The following CXCL13 variants were observed in gnomAD, a reference collection of about 807,000 sequenced individuals.
CXCL13 encodes the protein C-X-C motif chemokine ligand 13.
CXCL13 carries 7 observed loss-of-function variants against 12.2 expected under a neutral mutation model. The observed-to-expected ratio is 0.57, with a 90% CI of 0.33 to 1.07. The LOEUF is 1.07. CXCL13 is among the 50% of genes least tolerant of loss of function. CXCL13 has a pLI of 0.04. For missense variants in CXCL13, 113 were observed against 127.4 expected, an observed-to-expected ratio of 0.89 and a Z score of 0.55; for synonymous variants, 47 against 42.4, an observed-to-expected ratio of 1.11 and a Z score of -0.42.
chr4:77,537,608 T>C (rs1181710507), intron 1 of CXCL13, among the ~76,000 whole-genome samples: 1 of 152,216 alleles, frequency 6.6e-6, no homozygotes, highest in Non-Finnish European at 1.5e-5. Flanking sequence ...AGTATTTAGC[T>C]AAGTTCTAAA....
intron 2 of CXCL13, 28 bp downstream of exon 2, chr4:77,607,863 A>G (rs377181412): frequency 1.1e-5 from 18 of 1,607,896 alleles, no homozygotes; most frequent in Non-Finnish European, 1.5e-5. Flanking sequence ...AATAAATAAG[A>G]TTTCCTTCTC....
At chr4:77,599,781 G>T (rs76383596) in intron 1 of CXCL13, among the ~76,000 whole-genome samples, 2,130 of 152,302 alleles carry the variant, frequency 0.014, 47 homozygotes, top group African/African-American at 0.047. Flanking sequence ...GTTTTGAGAA[G>T]ATGGTTCTGG....
chr4:77,528,181 G>A (rs985818192), intron 1 of CXCL13, among the ~76,000 whole-genome samples: 4 of 152,104 alleles, frequency 2.6e-5, no homozygotes, highest in Admixed American at 6.6e-5. Context: ...GTCTATCATT[G>A]TTGGACATTT....
At chr4:77,551,293 G>C (rs1014397752) in intron 1 of CXCL13, among the ~76,000 whole-genome samples, 1 of 152,122 alleles carries the variant, frequency 6.6e-6, no homozygotes, top group South Asian at 2.1e-4. Flanking sequence ...TTCCTTTGAG[G>C]CTCTCTTGAA....
intron 1 of CXCL13, among the ~76,000 whole-genome samples, chr4:77,515,323 G>C (rs933361131): frequency 6.6e-6 from 1 of 152,046 alleles, no homozygotes; most frequent in African/African-American, 2.4e-5. Context: ...CTTTAAAGTA[G>C]TTTTTTCCAA....
At chr4:77,549,682 A>T (rs1411176674) in intron 1 of CXCL13, among the ~76,000 whole-genome samples, 1 of 152,172 alleles carries the variant, frequency 6.6e-6, no homozygotes, top group Non-Finnish European at 1.5e-5. Context: ...AGAACAGCAA[A>T]TGTTACTGCC....
chr4:77,519,072 G>T (rs1187303038), intron 1 of CXCL13, among the ~76,000 whole-genome samples: 2 of 152,202 alleles, frequency 1.3e-5, no homozygotes, highest in African/African-American at 4.8e-5. Context: ...GATCCTGTTT[G>T]CCTGGGTATC....
chr4:77,543,658 G>T (rs1404556372), intron 1 of CXCL13, among the ~76,000 whole-genome samples: 1 of 152,006 alleles, frequency 6.6e-6, no homozygotes, highest in African/African-American at 2.4e-5. Context: ...ATGTAATTGT[G>T]TGATTTGAAA....
intron 1 of CXCL13, among the ~76,000 whole-genome samples, chr4:77,519,020 C>T (rs1236282211): frequency 6.6e-6 from 1 of 152,172 alleles, no homozygotes; most frequent in South Asian, 2.1e-4. Context: ...AGAGAGGACC[C>T]TCAGCTGCAA....
intron 1 of CXCL13, among the ~76,000 whole-genome samples, chr4:77,597,181 A>C (rs1298483323): frequency 1.3e-5 from 2 of 152,206 alleles, no homozygotes; most frequent in African/African-American, 4.8e-5. Context: ...CATTTAAAAA[A>C]TGATAGATTA....
At chr4:77,515,303 T>A (rs1411199922) in intron 1 of CXCL13, among the ~76,000 whole-genome samples, 1 of 152,118 alleles carries the variant, frequency 6.6e-6, no homozygotes, top group Admixed American at 6.6e-5. Context: ...CTTTTTTGGT[T>A]CCATATGAAC....
intron 1 of CXCL13, among the ~76,000 whole-genome samples, chr4:77,588,736 C>A (rs1416134956): frequency 6.6e-6 from 1 of 152,130 alleles, no homozygotes; most frequent in East Asian, 1.9e-4. Flanking sequence ...TTCTCTGGTT[C>A]TTTTCCTGGA....
intron 1 of CXCL13, among the ~76,000 whole-genome samples, chr4:77,594,929 TA>T (rs572932947): frequency 5.9e-5 from 9 of 151,658 alleles, no homozygotes; most frequent in Non-Finnish European, 1.3e-4. Flanking sequence ...TTTTAAAAAA[TA>T]ATAAAAATTA....
At chr4:77,515,658 G>T (rs994830558) in intron 1 of CXCL13, among the ~76,000 whole-genome samples, 1 of 152,096 alleles carries the variant, frequency 6.6e-6, no homozygotes, top group Non-Finnish European at 1.5e-5. Flanking sequence ...CATTGATTTT[G>T]TATCCTGAGA....
chr4:77,601,329 A>G (rs1194722701), upstream of CXCL13, among the ~76,000 whole-genome samples: 3 of 152,216 alleles, frequency 2.0e-5, no homozygotes, highest in Admixed American at 2.0e-4. Flanking sequence ...AACTCATCCA[A>G]TTGCAGACAC....
Position 77,586,169 on chromosome 4 carries a change from C to G in CXCL13, c.-42-19655C>G, listed in dbSNP as rs1433917069. 2.0e-5 allele frequency among the ~76,000 whole-genome samples: 3 copies of G among 151,824 alleles called. No individual in the cohort carries two copies. In the East Asian group the frequency reaches 5.8e-4, roughly 29 times the overall value. ...TCACATTTATCCTGAATCTCAGTGA[C>G]CATATGCATAACCTCGTTTGAAGTT... On this transcript the variant is annotated intron_variant, in intron 1 of 4. Coordinates refer to the CXCL13 transcript ENST00000286758.
chr4:77,578,746 G>T (rs1726250089), intron 1 of CXCL13, among the ~76,000 whole-genome samples: 2 of 152,094 alleles, frequency 1.3e-5, no homozygotes, highest in African/African-American at 4.8e-5. Context: ...TTTCCTGGTT[G>T]TGTGACAAGA....
chr4:77,574,822 T>G (rs953749452), intron 1 of CXCL13, among the ~76,000 whole-genome samples: 1 of 151,924 alleles, frequency 6.6e-6, no homozygotes, highest in Admixed American at 6.5e-5. Context: ...GAAGAATAAG[T>G]GCTTGGATCA....
chr4:77,523,038 C>A (rs1335739612), intron 1 of CXCL13, among the ~76,000 whole-genome samples: 4 of 152,138 alleles, frequency 2.6e-5, no homozygotes, highest in Admixed American at 2.0e-4. Flanking sequence ...ATATTGGCCC[C>A]CACTCTCTTC....
Sources: gnomAD v4.1 joint callset for allele counts (sites outside exome capture counted in the v4.1 genomes callset) on GRCh38, gnomAD v4.1.1 for gene constraint, MANE v1.5 for transcripts, NCBI Gene and HGNC (gene_info 2026-07-23, HGNC 2026-07-21) for gene names.